The following CERS4 variants were observed in gnomAD, a reference collection of about 807,000 sequenced individuals.
The protein encoded by CERS4 is LAG1 homolog, ceramide synthase 4.
Under a neutral mutation model 51.8 loss-of-function variants are expected in CERS4, and 65 were observed. The observed-to-expected ratio is 1.26, with a 90% CI of 1.03 to 1.54. The LOEUF (loss-of-function observed/expected upper bound fraction) is 1.54, where lower values mean the gene tolerates loss of function less well. Among genes scored for constraint, CERS4 ranks in the 40% most tolerant of loss-of-function variants. CERS4 has a pLI of 0.00. For synonymous variants in CERS4, 228 were observed against 208.4 expected, an observed-to-expected ratio of 1.09 and a Z score of -0.81; for missense variants, 563 against 500.4, an observed-to-expected ratio of 1.13 and a Z score of -1.19.
intron 3 of CERS4, among the ~76,000 whole-genome samples, chr19:8,252,002 G>A (rs1969107713): frequency 1.3e-5 from 2 of 151,738 alleles, no homozygotes; most frequent in Non-Finnish European, 2.9e-5. Context: ...TGAGGTGGGT[G>A]GATCACTTGA....
At chr19:8,255,922 C>A in intron 6 of CERS4, 43 bp downstream of exon 6, 1 of 1,601,486 alleles carries the variant, frequency 6.2e-7, no homozygotes, top group East Asian at 2.2e-5. Context: ...CTGCCCCATC[C>A]ACCTGGCCTA....
intron 2 of CERS4, among the ~76,000 whole-genome samples, chr19:8,216,380 GA>G (rs911060272): frequency 0.013 from 1,636 of 127,646 alleles, 22 homozygotes; most frequent in African/African-American, 0.037. Flanking sequence ...TTTTGTCTTG[GA>G]AAAAAAAAAA....
chr19:8,262,276 C>A lies in CERS4; in HGVS notation c.*167C>A. On this transcript the variant is annotated 3_prime_UTR_variant, in exon 12 of 12. Coordinates refer to ENST00000251363, the MANE Select transcript of CERS4 (RefSeq NM_024552.3). ...CTCCAGCCCCTTCCTTCTGCCCACC[C>A]ACCCTTCTTCCCTCTGGGCAACTGG... 1.5e-6 allele frequency: 1 copy of A among 674,288 alleles called. No homozygotes were observed. The highest frequency in any genetic ancestry group is 2.2e-6 in the Non-Finnish European group (1 of 456,420). The allele number at this position is 674,288 out of a possible 1,614,324, so 41.8% of individuals were successfully genotyped here.
rs1340667902 is a variant in CERS4 at position 8,261,920 on chromosome 19, T to C, written c.1006-10T>C. The C allele has an allele frequency of 6.8e-6, 11 of 1,609,008 alleles. No homozygotes were observed. In the South Asian group the frequency reaches 9.9e-5, roughly 14 times the overall value. ...CTGCTCTGAGCTCCATCCCTCTCTC[T>C]GTTCCCCAGATGGAGAAGGACATTC... On this transcript the variant is annotated splice_polypyrimidine_tract_variant and intron_variant, in intron 11 of 11. Transcript: ENST00000251363.
At chr19:8,244,329 C>G (rs1299224244) in intron 2 of CERS4, among the ~76,000 whole-genome samples, 1 of 152,202 alleles carries the variant, frequency 6.6e-6, no homozygotes, top group Non-Finnish European at 1.5e-5. Context: ...GCATTCCAGC[C>G]TGGAAGACAG....
chr19:8,231,720 CTTTTTGTA>C (rs926046808), intron 2 of CERS4, among the ~76,000 whole-genome samples: 6 of 151,444 alleles, frequency 4.0e-5, no homozygotes, highest in African/African-American at 1.5e-4. Context: ...GGCTAATTTT[CTTTTTGTA>C]TTTTTAGTAA....
intron 2 of CERS4, among the ~76,000 whole-genome samples, chr19:8,236,110 G>A (rs1411635360): frequency 6.6e-6 from 1 of 152,118 alleles, no homozygotes; most frequent in Non-Finnish European, 1.5e-5. Context: ...GCAGGAGAAT[G>A]GGGTAAACCG....
chr19:8,229,083 T>C (rs188957263), intron 2 of CERS4, among the ~76,000 whole-genome samples: 22 of 151,848 alleles, frequency 1.4e-4, no homozygotes, highest in African/African-American at 5.3e-4. Flanking sequence ...CCTAGTACTT[T>C]GGGAGGCTGA....
intron 2 of CERS4, among the ~76,000 whole-genome samples, chr19:8,213,402 C>G (rs947201864): frequency 1.3e-5 from 2 of 152,076 alleles, no homozygotes; most frequent in African/African-American, 4.8e-5. Context: ...GCCTCGACCT[C>G]CTGAGCTCAA....
At chr19:8,247,980 C>A (rs1056392145) in intron 2 of CERS4, among the ~76,000 whole-genome samples, 2 of 151,824 alleles carry the variant, frequency 1.3e-5, no homozygotes, top group African/African-American at 4.8e-5. Context: ...ATGATCCACC[C>A]GCTTCAGCCT....
At chr19:8,213,632 C>T (rs1197029841) in intron 2 of CERS4, among the ~76,000 whole-genome samples, 1 of 152,030 alleles carries the variant, frequency 6.6e-6, no homozygotes, top group Non-Finnish European at 1.5e-5. Flanking sequence ...CTTTGCCATC[C>T]TTGAATAGGC....
At chr19:8,255,182 G>A (rs1969311354) in intron 4 of CERS4, among the ~76,000 whole-genome samples, 2 of 152,090 alleles carry the variant, frequency 1.3e-5, no homozygotes, top group African/African-American at 4.8e-5. Flanking sequence ...AGAGGCGACA[G>A]GGCAGCTTCC....
Position 8,257,903 on chromosome 19 carries a change from C to A in CERS4, c.766C>A (p.Gln256Lys). Residue 256 changes from glutamine to lysine, a missense_variant, in exon 10 of 12, where the codon CAG (glutamine) becomes AAG (lysine). Gln to Lys is a moderately conservative substitution (Grantham distance 53). Transcript: ENST00000251363. ...GGCCTGTAAGATGGTCAACTACATG[C>A]AGTATCAGCAAGTGTGCGACGCTCT... ...LEACKMVNYM[Q>K]YQQVCDALFL... 1 of 1,613,884 alleles carries A rather than the reference C, an allele frequency of 6.2e-7. No homozygotes were observed. Among genetic ancestry groups the A allele is most frequent in the Non-Finnish European group, 8.5e-7 (1 of 1,179,934 alleles).
At chr19:8,242,415 G>A (rs1300565446) in intron 2 of CERS4, among the ~76,000 whole-genome samples, 2 of 152,160 alleles carry the variant, frequency 1.3e-5, no homozygotes, top group East Asian at 3.8e-4. Context: ...GTGCCACTCA[G>A]GAAGCAATGG....
chr19:8,221,983 G>A (rs1231611080), intron 2 of CERS4, among the ~76,000 whole-genome samples: 27 of 124,136 alleles, frequency 2.2e-4, no homozygotes, highest in African/African-American at 6.4e-4. Context: ...CCGGGTTCAC[G>A]CCATTCTCCT....
chr19:8,246,095 AC>A (rs1568524436), intron 2 of CERS4, among the ~76,000 whole-genome samples: 1,980 of 138,450 alleles, frequency 0.014, 47 homozygotes, highest in African/African-American at 0.048. Flanking sequence ...AACAACAACA[AC>A]AACAAAAAAA....
chr19:8,245,122 A>ACAAAAAAAAACAAAAAAAAAC (rs755450125), intron 2 of CERS4, among the ~76,000 whole-genome samples: 1 of 129,256 alleles, frequency 7.7e-6, no homozygotes, highest in Non-Finnish European at 1.6e-5. Flanking sequence ...AAAAAAAAAA[A>ACAAAAAAAAACAAAAAAAAAC]AAAAAAAAAA....
intron 2 of CERS4, among the ~76,000 whole-genome samples, chr19:8,239,807 T>A (rs1158773145): frequency 1.3e-5 from 2 of 152,190 alleles, no homozygotes; most frequent in Non-Finnish European, 2.9e-5. Flanking sequence ...CCCTCCCACC[T>A]GTCCATCTGT....
intron 2 of CERS4, 54 bp from the exon 3 acceptor site, chr19:8,251,022 G>T: frequency 1.3e-6 from 2 of 1,520,458 alleles, no homozygotes; most frequent in Non-Finnish European, 1.8e-6. Context: ...GGCCCCACTT[G>T]CCCCACCCAT....
Sources: allele counts gnomAD v4.1 joint callset (sites outside exome capture counted in the v4.1 genomes callset), GRCh38; gene constraint gnomAD v4.1.1; transcripts MANE v1.5; gene names NCBI Gene and HGNC (gene_info 2026-07-23, HGNC 2026-07-21).